FAM185A: variants seen among roughly 807,000 people sequenced by gnomAD.
The protein encoded by FAM185A is family with sequence similarity 185 member A, also known as protein FAM185A.
A neutral mutation model predicts 45.7 loss-of-function variants in FAM185A; 21 were observed. That is an observed-to-expected ratio of 0.46 (90% confidence interval 0.33 to 0.66). The LOEUF is 0.66. Ranked by LOEUF, FAM185A falls within the 30% of genes least tolerant of loss-of-function variation. FAM185A has a pLI of 0.03. For missense variants in FAM185A, 305 were observed against 485.4 expected (o/e 0.63, Z 3.49); for synonymous variants, 117 against 194.0 (o/e 0.60, Z 3.30).
chr7:102,752,904 T>A (rs1264559643), intron 2 of FAM185A, among the ~76,000 whole-genome samples: 1 of 150,028 alleles, frequency 6.7e-6, no homozygotes, highest in Non-Finnish European at 1.5e-5. Flanking sequence ...CTTTGCTTCA[T>A]AATTGCAAAA....
the FAM185A span, among the ~76,000 whole-genome samples, chr7:102,818,823 T>C: frequency 6.6e-6 from 1 of 152,346 alleles, no homozygotes; most frequent in African/African-American, 2.4e-5. Flanking sequence ...CAGGAGTACA[T>C]GTACAAGATG....
chr7:102,815,468 T>A, the FAM185A span, among the ~76,000 whole-genome samples: 4 of 152,048 alleles, frequency 2.6e-5, no homozygotes, highest in Non-Finnish European at 5.9e-5. Context: ...GGATTGCTGG[T>A]CTAGAAGGGG....
At chr7:102,810,685 C>T (rs561972986), downstream of FAM185A, among the ~76,000 whole-genome samples, 1 of 152,218 alleles carries the variant, frequency 6.6e-6, no homozygotes, top group East Asian at 1.9e-4. Flanking sequence ...CCTTAAACTC[C>T]TGGCCTCAGG....
chr7:102,780,436 G>A (rs1268576791), intron 6 of FAM185A, among the ~76,000 whole-genome samples: 3 of 152,192 alleles, frequency 2.0e-5, no homozygotes, highest in Non-Finnish European at 4.4e-5. Flanking sequence ...AGGTTGTATG[G>A]AAATACAGGC....
At chr7:102,822,285 A>G in the FAM185A span, 5 of 1,263,882 alleles carry the variant, frequency 4.0e-6, 1 homozygote, top group African/African-American at 7.4e-5. Flanking sequence ...TTGGGCAACT[A>G]TAATAAACTA....
intron 7 of FAM185A, among the ~76,000 whole-genome samples, chr7:102,806,544 T>C (rs1173137373): frequency 1.7e-5 from 2 of 120,126 alleles, no homozygotes; most frequent in African/African-American, 8.5e-5. Context: ...TGAACCCAAG[T>C]TTTTGTTTGT....
At chr7:102,833,083 A>G in the FAM185A span, 1 of 1,142,874 alleles carries the variant, frequency 8.7e-7, no homozygotes, top group Non-Finnish European at 1.2e-6. Flanking sequence ...TACAGATGTT[A>G]GATCTTGATG....
chr7:102,775,234 A>T (rs1794988299), intron 5 of FAM185A, among the ~76,000 whole-genome samples: 1 of 152,154 alleles, frequency 6.6e-6, no homozygotes, highest in South Asian at 2.1e-4. Flanking sequence ...TTTACAGTAC[A>T]GTATTGTTAA....
Position 102,801,402 on chromosome 7 carries a change from C to T in FAM185A, c.1067-6888C>T, listed in dbSNP as rs183697898. ...CTACCTCATATCTCAATACTAACATCGAATGTAAATGGCCTAAATGCTCCA... is the reference window on the plus strand; with the variant it reads ...CTACCTCATATCTCAATACTAACATTGAATGTAAATGGCCTAAATGCTCCA... On this transcript the variant is annotated intron_variant, in intron 7 of 7. Transcript: ENST00000413034. Among the ~76,000 whole-genome samples the T allele has an allele frequency of 2.1e-4, 32 of 152,060 alleles. No homozygotes were observed. The East Asian group carries it at 4.8e-3, about 23-fold the overall frequency.
the FAM185A span, among the ~76,000 whole-genome samples, chr7:102,834,086 A>AAAGGAAAGAAAG: frequency 3.2e-5 from 3 of 93,678 alleles, 1 homozygote; most frequent in African/African-American, 1.4e-4. Context: ...GGAAGGAAAG[A>AAAGGAAAGAAAG]AAAGAAAGAA....
chr7:102,800,603 A>G (rs929324759), intron 7 of FAM185A, among the ~76,000 whole-genome samples: 4 of 152,214 alleles, frequency 2.6e-5, no homozygotes, highest in Non-Finnish European at 4.4e-5. Context: ...AATGCTCTGG[A>G]AAGTCTCAGC....
chr7:102,790,065 C>G (rs186013177), intron 7 of FAM185A, among the ~76,000 whole-genome samples: 268 of 152,112 alleles, frequency 1.8e-3, no homozygotes, highest in African/African-American at 6.3e-3. Context: ...TTACCTGAGG[C>G]TGTTGTATCG....
chr7:102,835,845 G>A, the FAM185A span, among the ~76,000 whole-genome samples: 1 of 151,828 alleles, frequency 6.6e-6, no homozygotes, highest in Non-Finnish European at 1.5e-5. Context: ...TCCTGACCTC[G>A]TGATCCGCCC....
intron 6 of FAM185A, among the ~76,000 whole-genome samples, chr7:102,785,099 A>C (rs1197020489): frequency 6.6e-6 from 1 of 152,170 alleles, no homozygotes; most frequent in African/African-American, 2.4e-5. Flanking sequence ...AGAGAATAAA[A>C]TACCTAGGAA....
the FAM185A span, among the ~76,000 whole-genome samples, chr7:102,834,136 AAGAAAAGAG>A: frequency 8.0e-6 from 1 of 124,944 alleles, no homozygotes; most frequent in Non-Finnish European, 1.6e-5. Context: ...GAAAGAAAGA[AAGAAAAGAG>A]AAGACAAGAG....
At chr7:102,808,015 C>T (rs1460454404) in intron 7 of FAM185A, among the ~76,000 whole-genome samples, 5 of 152,008 alleles carry the variant, frequency 3.3e-5, no homozygotes, top group Admixed American at 2.6e-4. Context: ...GAGCCGAGAT[C>T]GTGCCACTGT....
chr7:102,816,497 TG>T, the FAM185A span, among the ~76,000 whole-genome samples: 1 of 152,184 alleles, frequency 6.6e-6, no homozygotes, highest in African/African-American at 2.4e-5. Context: ...TCACACGGAC[TG>T]ACTAACCTAA....
At chr7:102,792,818 G>A (rs1488854114) in intron 7 of FAM185A, among the ~76,000 whole-genome samples, 7 of 151,674 alleles carry the variant, frequency 4.6e-5, no homozygotes, top group Non-Finnish European at 1.0e-4. Flanking sequence ...CTAAAGGACA[G>A]AGGGTAATAA....
At chr7:102,822,100 AG>A in the FAM185A span, 2 of 1,614,232 alleles carry the variant, frequency 1.2e-6, no homozygotes, top group African/African-American at 1.3e-5. Context: ...GCCTATCTGA[AG>A]GTCCTCAAGG....
Sources: allele counts gnomAD v4.1 joint callset (sites outside exome capture counted in the v4.1 genomes callset), GRCh38; gene constraint gnomAD v4.1.1; transcripts MANE v1.5; gene names NCBI Gene and HGNC (gene_info 2026-07-23, HGNC 2026-07-21).